RTL9: variants seen among roughly 807,000 people sequenced by gnomAD.
RTL9 encodes the protein retrotransposon Gag-like protein 9.
In RTL9, 19 loss-of-function variants were observed where a neutral mutation model predicts 44.7. That is an observed-to-expected ratio of 0.42 (90% CI 0.30 to 0.62). RTL9 has a LOEUF of 0.62. Ranked by LOEUF, RTL9 falls within the 20% of genes least tolerant of loss-of-function variation. The pLI, the probability that RTL9 is intolerant of heterozygous loss-of-function variation, is 0.16. For synonymous variants in RTL9, 407 were observed against 398.9 expected (o/e 1.02, Z -0.24); for missense variants, 1,105 against 1,080.6 (o/e 1.02, Z -0.32).
chrX:110,379,112 G>T (rs2068400196), intron 1 of RTL9, among the ~76,000 whole-genome samples: 1 of 111,759 alleles, frequency 8.9e-6, no homozygotes, highest in African/African-American at 3.3e-5. Context: ...GCTCTTTCAT[G>T]ATACTCGTTA....
intron 1 of RTL9, among the ~76,000 whole-genome samples, chrX:110,437,123 T>C (rs1454197167): frequency 9.0e-6 from 1 of 111,542 alleles, no homozygotes; most frequent in Non-Finnish European, 1.9e-5. Flanking sequence ...AGATCAGAAC[T>C]AGCGAGAGGA....
At position 110,413,749 on chromosome X, in the gene RTL9, G is replaced by C. The variant is rs184624337; in HGVS notation, c.-167-31404G>C. ...ACCTCAGGAGGCTCTCCAGTTTTTTGAGCCCCCTCCATCCATTTCTTCCAT... is the reference window on the plus strand; with the variant it reads ...ACCTCAGGAGGCTCTCCAGTTTTTTCAGCCCCCTCCATCCATTTCTTCCAT... On this transcript the variant is annotated intron_variant, in intron 1 of 2. Transcript: ENST00000520821. 3.8e-3 allele frequency among the ~76,000 whole-genome samples: 421 copies of C among 110,196 alleles called. 3 individuals carry two copies. Among genetic ancestry groups the C allele is most frequent in the African/African-American group, 0.012 (359 of 30,261 alleles).
At chrX:110,452,895 A>C (rs1569434424) in exon 1 of RTL9, 10 of 1,211,920 alleles carry the variant, frequency 8.3e-6, no homozygotes, top group Admixed American at 2.2e-5. Flanking sequence ...ACCAACAGTG[A>C]GAGCCTGGAC....
chrX:110,378,902 G>A (rs1365296665), intron 1 of RTL9, among the ~76,000 whole-genome samples: 1 of 109,845 alleles, frequency 9.1e-6, no homozygotes, highest in Non-Finnish European at 1.9e-5. Flanking sequence ...ACACTGAAAT[G>A]GCACCTGCTG....
upstream of RTL9, among the ~76,000 whole-genome samples, chrX:110,448,524 G>T (rs1473752222): frequency 9.2e-6 from 1 of 109,155 alleles, no homozygotes; most frequent in African/African-American, 3.3e-5. Context: ...GGGAAGAGGG[G>T]TGGAGTTGCA....
chrX:110,407,305 T>G (rs1359039740), intron 1 of RTL9, among the ~76,000 whole-genome samples: 2 of 112,099 alleles, frequency 1.8e-5, no homozygotes, highest in African/African-American at 3.2e-5. Flanking sequence ...CAGCTTGGTA[T>G]TTCTCACTGT....
intron 1 of RTL9, among the ~76,000 whole-genome samples, chrX:110,384,045 C>A (rs1313829518): frequency 8.9e-6 from 1 of 111,882 alleles, no homozygotes; most frequent in East Asian, 2.8e-4. Flanking sequence ...TATTATACAT[C>A]ATCATTTCTT....
chrX:110,421,214 G>A (rs184811117), intron 1 of RTL9, among the ~76,000 whole-genome samples: 202 of 112,513 alleles, frequency 1.8e-3, no homozygotes, highest in Non-Finnish European at 3.0e-3. Context: ...AAGGGACCAA[G>A]CAGGATTTAA....
intron 1 of RTL9, among the ~76,000 whole-genome samples, chrX:110,386,809 T>C (rs1173061060): frequency 8.9e-6 from 1 of 112,516 alleles, no homozygotes. Context: ...AAGCTTCTCC[T>C]CTGTGCCAGG....
At chrX:110,375,923 T>A (rs900828609) in intron 1 of RTL9, among the ~76,000 whole-genome samples, 4 of 111,659 alleles carry the variant, frequency 3.6e-5, no homozygotes, top group African/African-American at 1.3e-4. Flanking sequence ...CTAATATTGA[T>A]GTCAGTTATA....
intron 1 of RTL9, among the ~76,000 whole-genome samples, chrX:110,434,450 C>G (rs1456545312): frequency 2.7e-5 from 3 of 111,531 alleles, no homozygotes; most frequent in Non-Finnish European, 5.7e-5. Flanking sequence ...GGAACAGGCT[C>G]TGAACCACGA....
chrX:110,409,516 A>G (rs1378013839), intron 1 of RTL9, among the ~76,000 whole-genome samples: 1 of 111,857 alleles, frequency 8.9e-6, no homozygotes, highest in Non-Finnish European at 1.9e-5. Flanking sequence ...CAGAGAGGAT[A>G]CCAGGGAAAA....
chrX:110,388,156 C>T (rs994785571), intron 1 of RTL9, among the ~76,000 whole-genome samples: 5 of 111,733 alleles, frequency 4.5e-5, no homozygotes, highest in African/African-American at 1.6e-4. Context: ...CGTGAGCCAC[C>T]GCCCAGCCTG....
At chrX:110,379,206 A>C (rs1465348806) in intron 1 of RTL9, among the ~76,000 whole-genome samples, 1 of 112,258 alleles carries the variant, frequency 8.9e-6, no homozygotes, top group Non-Finnish European at 1.9e-5. Flanking sequence ...TTTCTATTAT[A>C]GCTTTCAAGG....
exon 1 of RTL9, chrX:110,453,498 A>C: frequency 8.3e-7 from 1 of 1,211,980 alleles, no homozygotes; most frequent in Non-Finnish European, 1.1e-6. Context: ...GGCCTCTGGA[A>C]CAATGCCCAT....
chrX:110,384,876 G>A (rs2148279021), intron 1 of RTL9, among the ~76,000 whole-genome samples: 1 of 110,929 alleles, frequency 9.0e-6, no homozygotes, highest in African/African-American at 3.3e-5. Context: ...GAGTGGCTAT[G>A]AATTCACTCC....
At chrX:110,370,383 A>G (rs1427035642) in intron 1 of RTL9, among the ~76,000 whole-genome samples, 2 of 110,282 alleles carry the variant, frequency 1.8e-5, no homozygotes, top group South Asian at 3.9e-4. Context: ...TAATTTTTGT[A>G]TTTTTAGTAG....
At chrX:110,438,276 T>G (rs768474761) in intron 1 of RTL9, among the ~76,000 whole-genome samples, 1 of 111,664 alleles carries the variant, frequency 9.0e-6, no homozygotes, top group African/African-American at 3.3e-5. Context: ...TCAAAAGAAT[T>G]ATATACTTAA....
At position 110,400,357 on chromosome X, in the gene RTL9, C is replaced by T. The variant is rs187440041; in HGVS notation, c.-168+41441C>T. Among the ~76,000 whole-genome samples, 41 of 108,846 alleles carry T rather than the reference C, an allele frequency of 3.8e-4. 1 individual carries two copies. Among genetic ancestry groups the T allele is most frequent in the Admixed American group, 3.2e-3 (32 of 10,027 alleles). The allele number at this position is 108,846 out of a possible 115,157, so 94.5% of individuals were successfully genotyped here. On this transcript the variant is annotated intron_variant, in intron 1 of 2. Coordinates refer to the RTL9 transcript ENST00000520821. ...AAACTATTCTAAATATAAGGAATCC[C>T]TTCCTTAGAGGCCCCAATATGGCTT...
Sources: gnomAD v4.1 joint callset for allele counts (sites outside exome capture counted in the v4.1 genomes callset) on GRCh38, gnomAD v4.1.1 for gene constraint, MANE v1.5 for transcripts, NCBI Gene and HGNC (gene_info 2026-07-23, HGNC 2026-07-21) for gene names.